SORBS2: variants seen among roughly 807,000 people sequenced by gnomAD.
SORBS2 encodes the protein sorbin and SH3 domain-containing protein 2.
A neutral mutation model predicts 97.7 loss-of-function variants in SORBS2; 46 were observed. That is an observed-to-expected ratio of 0.47 (90% confidence interval 0.37 to 0.60). The LOEUF (loss-of-function observed/expected upper bound fraction) is 0.60. Ranked by LOEUF, SORBS2 falls within the 20% of genes least tolerant of loss-of-function variation. SORBS2 has a pLI of 0.00. For synonymous variants in SORBS2, 476 were observed against 473.4 expected (o/e 1.01, Z -0.07); for missense variants, 1,316 against 1,282.3 (o/e 1.03, Z -0.40).
intron 2 of SORBS2, among the ~76,000 whole-genome samples, chr4:185,729,671 T>G (rs1215849666): frequency 6.6e-6 from 1 of 152,258 alleles, no homozygotes; most frequent in Non-Finnish European, 1.5e-5. Context: ...TCATTACTTT[T>G]CCTCTTTTTC....
chr4:185,665,802 G>C (rs1307440782), intron 4 of SORBS2: 5 of 1,109,902 alleles, frequency 4.5e-6, no homozygotes, highest in Non-Finnish European at 5.6e-6. Flanking sequence ...AGGTGGGGGA[G>C]GGTGTCTCAG....
At chr4:185,605,408 G>A (rs1336250157) in intron 12 of SORBS2, among the ~76,000 whole-genome samples, 29 of 151,996 alleles carry the variant, frequency 1.9e-4, no homozygotes, top group Admixed American at 1.8e-3. Context: ...TCAGCCTCCC[G>A]AGTAGCTGGG....
At chr4:185,792,827 T>C (rs991115308) in intron 1 of SORBS2, among the ~76,000 whole-genome samples, 1 of 152,164 alleles carries the variant, frequency 6.6e-6, no homozygotes, top group Non-Finnish European at 1.5e-5. Flanking sequence ...TTCCCACAAA[T>C]GGGCAGTCTA....
chr4:185,891,788 G>C (rs527857513), intron 1 of SORBS2, among the ~76,000 whole-genome samples: 2 of 152,242 alleles, frequency 1.3e-5, no homozygotes, highest in South Asian at 2.1e-4. Context: ...TCAGTGAATT[G>C]GTTTTGTCTG....
At chr4:185,837,255 A>G (rs2099208600) in intron 1 of SORBS2, among the ~76,000 whole-genome samples, 1 of 152,194 alleles carries the variant, frequency 6.6e-6, no homozygotes, top group African/African-American at 2.4e-5. Context: ...GTCCCTAGAA[A>G]AAAAAAAGAT....
chr4:185,879,419 T>C (rs942356296), intron 1 of SORBS2, among the ~76,000 whole-genome samples: 4 of 152,128 alleles, frequency 2.6e-5, no homozygotes, highest in African/African-American at 4.8e-5. Context: ...CAGTCTATCA[T>C]TGATGGACAT....
At position 185,879,175 on chromosome 4, in the gene SORBS2, C is replaced by CT. The variant is rs1561262108; in HGVS notation, c.-338+77020_-338+77021insA. Among the ~76,000 whole-genome samples the CT allele has an allele frequency of 5.3e-5, 6 of 113,258 alleles. 1 individual carries two copies. The highest frequency in any genetic ancestry group is 1.3e-4 in the African/African-American group (3 of 23,950). 74.3% of individuals were successfully genotyped at this position (113,258 alleles called of 152,430 possible). A position where few individuals can be genotyped will look rare whatever the true frequency, so the allele number is the denominator to read the frequency against. The stretch of plus-strand genomic sequence containing the variant: ...TCCTAATGCTATCCCTCCCCCCCCC[C>CT]CACCCCACGACAGGCCCCGGTGTGT... On this transcript the variant is annotated intron_variant, in intron 1 of 20. Coordinates refer to the SORBS2 transcript ENST00000284776.
At chr4:185,683,658 G>A (rs2097907796) in intron 2 of SORBS2, among the ~76,000 whole-genome samples, 1 of 151,896 alleles carries the variant, frequency 6.6e-6, no homozygotes, top group South Asian at 2.1e-4. Flanking sequence ...AATGCATCTT[G>A]CATTTTCTTT....
chr4:185,885,324 C>G (rs1029865701), intron 1 of SORBS2, among the ~76,000 whole-genome samples: 1 of 152,176 alleles, frequency 6.6e-6, no homozygotes, highest in African/African-American at 2.4e-5. Context: ...ACATAGCACC[C>G]CCGGGCACCT....
chr4:185,707,515 T>G (rs1439983278), intron 2 of SORBS2, among the ~76,000 whole-genome samples: 1 of 21,978 alleles, frequency 4.6e-5, no homozygotes, highest in African/African-American at 6.9e-5. Flanking sequence ...ACATCTTTGT[T>G]TTTTTTTTTT....
At chr4:185,682,951 T>G (rs2153506371) in intron 2 of SORBS2, among the ~76,000 whole-genome samples, 1 of 147,704 alleles carries the variant, frequency 6.8e-6, no homozygotes, top group South Asian at 2.1e-4. Context: ...AGGCAGAGGT[T>G]GCAGTGAGCC....
rs1411856722 is a variant in SORBS2, at chr4:185,764,492, A to G, written c.-198+10735T>C. On this transcript the variant is annotated intron_variant, in intron 2 of 20. Coordinates refer to the SORBS2 transcript ENST00000284776. ...GTTTGTCTGCTAAGGAACTAAATTC[A>G]TTTTCTCTTTGAATTCACCATTTAT... 2.0e-5 allele frequency among the ~76,000 whole-genome samples: 3 copies of G among 152,294 alleles called. No homozygotes were observed. The East Asian group carries it at 5.8e-4, about 29-fold the overall frequency.
At chr4:185,745,209 G>A (rs990876389) in intron 2 of SORBS2, among the ~76,000 whole-genome samples, 2 of 152,128 alleles carry the variant, frequency 1.3e-5, no homozygotes, top group African/African-American at 4.8e-5. Flanking sequence ...AAAGATGCCC[G>A]AGCAGGTGCT....
intron 5 of SORBS2, among the ~76,000 whole-genome samples, chr4:185,628,905 T>C (rs2096860938): frequency 6.6e-6 from 1 of 152,210 alleles, no homozygotes; most frequent in Non-Finnish European, 1.5e-5. Flanking sequence ...TTAAGACCAA[T>C]GTTAATGAAT....
upstream of SORBS2, among the ~76,000 whole-genome samples, chr4:185,661,272 T>A (rs942115450): frequency 1.1e-5 from 1 of 94,486 alleles, no homozygotes; most frequent in Admixed American, 1.3e-4. Context: ...TGAGACTCCA[T>A]CTTGAAAAAA....
chr4:185,668,151 C>T (rs569017257), intron 4 of SORBS2, among the ~76,000 whole-genome samples: 54 of 152,208 alleles, frequency 3.5e-4, no homozygotes, highest in African/African-American at 1.3e-3. Context: ...GACTTTAACC[C>T]CCATTGGACT....
intron 2 of SORBS2, among the ~76,000 whole-genome samples, chr4:185,749,764 T>C (rs1229945632): frequency 6.6e-6 from 1 of 152,208 alleles, no homozygotes; most frequent in East Asian, 1.9e-4. Flanking sequence ...CAGTTGCTCA[T>C]TTAGAGAAAA....
exon 15 of SORBS2, chr4:185,585,715 A>T (rs1049521858): frequency 6.6e-6 from 1 of 152,248 alleles, no homozygotes; most frequent in African/African-American, 2.4e-5. Context: ...TTTCTCATAA[A>T]TGGCATCAAA....
At chr4:185,640,147 G>T (rs1439897611) in intron 4 of SORBS2, among the ~76,000 whole-genome samples, 3 of 152,180 alleles carry the variant, frequency 2.0e-5, no homozygotes, top group African/African-American at 7.2e-5. Flanking sequence ...GAGGCATCGT[G>T]ACAAAATAGT....
Sources: allele counts gnomAD v4.1 joint callset (sites outside exome capture counted in the v4.1 genomes callset), GRCh38; gene constraint gnomAD v4.1.1; transcripts MANE v1.5; gene names NCBI Gene and HGNC (gene_info 2026-07-23, HGNC 2026-07-21).